Variants in RC3H2 observed in about 807,000 individuals in gnomAD.
The protein encoded by RC3H2 is ring finger and CCCH-type domains 2, also known as roquin-2.
A neutral mutation model predicts 133.3 loss-of-function variants in RC3H2; 31 were observed. That is an observed-to-expected ratio of 0.23 (90% CI 0.17 to 0.31). RC3H2 has a LOEUF of 0.31. Among genes scored for constraint, RC3H2 ranks in the 10% least tolerant of loss-of-function variants. The pLI, the probability that RC3H2 is intolerant of heterozygous loss-of-function variation, is 1.00. For synonymous variants in RC3H2, 517 were observed against 502.2 expected (o/e 1.03, Z -0.40); for missense variants, 1,175 against 1,437.2 (o/e 0.82, Z 2.95).
At chr9:122,885,939 G>T (rs1268074687) in intron 4 of RC3H2, among the ~76,000 whole-genome samples, 1 of 152,194 alleles carries the variant, frequency 6.6e-6, no homozygotes, top group Non-Finnish European at 1.5e-5. Flanking sequence ...CCAGGCTGGA[G>T]TGCAGTGGCA....
At chr9:122,868,411 G>A (rs1476524017) in intron 9 of RC3H2, among the ~76,000 whole-genome samples, 1 of 152,010 alleles carries the variant, frequency 6.6e-6, no homozygotes, top group Non-Finnish European at 1.5e-5. Flanking sequence ...AAATTCTTCT[G>A]CCTTGGGATC....
intron 1 of RC3H2, 136 bp from the exon 2 acceptor site, chr9:122,897,712 A>T (rs1832481633): frequency 8.2e-6 from 5 of 609,740 alleles, no homozygotes; most frequent in Non-Finnish European, 1.4e-5. Context: ...TGTCTTTTTT[A>T]AAAAACCTAT....
chr9:122,880,942 AC>A (rs1831591701), intron 5 of RC3H2, 148 bp from the exon 6 acceptor site: 4 of 627,406 alleles, frequency 6.4e-6, no homozygotes, highest in Admixed American at 2.8e-5. Context: ...TGTCCTGACC[AC>A]AAATTCTTTC....
At position 122,877,494 on chromosome 9, in the gene RC3H2, G is replaced by A. The variant is rs1232496606; in HGVS notation, c.1302C>T (p.Ala434=). ...GCPRGTNCTF[A]HSQEELEKYR... ...ACTTTTCAAGCTCTTCCTGAGAATG[G>A]GCAAATGTACAATTTGTTCCTCGTG... Residue 434 remains alanine, a synonymous_variant, in exon 9 of 21, where the codon GCC becomes GCT. Coordinates refer to ENST00000357244, the MANE Select transcript of RC3H2 (RefSeq NM_001100588.3). 1.2e-6 allele frequency: 2 copies of A among 1,613,944 alleles called. No homozygotes were observed. Among genetic ancestry groups the A allele is most frequent in the African/African-American group, 1.3e-5 (1 of 75,032 alleles).
At chr9:122,861,089 C>A (rs921542039) in intron 10 of RC3H2, among the ~76,000 whole-genome samples, 1 of 152,134 alleles carries the variant, frequency 6.6e-6, no homozygotes, top group Non-Finnish European at 1.5e-5. Flanking sequence ...TGAGGCAAAA[C>A]ACACCAACCT....
chr9:122,867,849 G>A, intron 9 of RC3H2, among the ~76,000 whole-genome samples: 1 of 102,760 alleles, frequency 9.7e-6, no homozygotes. Context: ...TCTGAGAAGT[G>A]AGGAGCGTCT....
At chr9:122,892,113 A>ATT (rs1247686377) in intron 3 of RC3H2, among the ~76,000 whole-genome samples, 7 of 144,790 alleles carry the variant, frequency 4.8e-5, no homozygotes, top group Non-Finnish European at 7.6e-5. Flanking sequence ...ACTCTGGTAA[A>ATT]TTTTTTTTTT....
intron 1 of RC3H2, among the ~76,000 whole-genome samples, chr9:122,900,978 A>G (rs1298391283): frequency 6.6e-6 from 1 of 152,222 alleles, no homozygotes; most frequent in Non-Finnish European, 1.5e-5. Flanking sequence ...ATAAAACAGG[A>G]AGCACAATAG....
At chr9:122,900,337 T>A (rs1832607932) in intron 1 of RC3H2, among the ~76,000 whole-genome samples, 1 of 152,164 alleles carries the variant, frequency 6.6e-6, no homozygotes, top group Non-Finnish European at 1.5e-5. Context: ...AAACTTCCCT[T>A]ATACGATCAG....
chr9:122,883,104 G>T, intron 5 of RC3H2, 100 bp downstream of exon 5: 2 of 1,081,580 alleles, frequency 1.8e-6, no homozygotes, highest in Non-Finnish European at 2.7e-6. Flanking sequence ...ACTCTTGTAA[G>T]CATTCTGCAT....
At chr9:122,897,733 A>G in intron 1 of RC3H2, 157 bp from the exon 2 acceptor site, 1 of 537,580 alleles carries the variant, frequency 1.9e-6, no homozygotes, top group Admixed American at 3.6e-5. Flanking sequence ...TTGCTGAATT[A>G]ATTACATTTC....
In RC3H2 at chr9:122,848,423, T is replaced by A. The variant is rs560693181; in HGVS notation, c.*1204A>T. The A allele has an allele frequency of 6.6e-6, 1 of 152,212 alleles. No homozygotes were observed. The highest frequency in any genetic ancestry group is 2.4e-5 in the African/African-American group (1 of 41,468). 9.4% of individuals were successfully genotyped at this position (152,212 alleles called of 1,614,324 possible). On this transcript the variant is annotated 3_prime_UTR_variant, in exon 21 of 21. Transcript: ENST00000357244. ...TCTGATGCATGACTTGTTGAACACA[T>A]TGTATACTTTCAGATGCCAAGTCAA...
At chr9:122,879,335 A>C (rs1190645525) in intron 8 of RC3H2, among the ~76,000 whole-genome samples, 1 of 152,020 alleles carries the variant, frequency 6.6e-6, no homozygotes, top group Non-Finnish European at 1.5e-5. Flanking sequence ...CAGAGGTTGC[A>C]GTGAGCTGAG....
Position 122,870,569 on chromosome 9 carries a change from T to A in RC3H2, c.1326-4912A>T, listed in dbSNP as rs538942515. The stretch of plus-strand genomic sequence containing the variant: ...ACAAGTAGGGATATACACTGAATTC[T>A]TAGTATTGGGGCAGCTAAAGGCTGC... On this transcript the variant is annotated intron_variant, in intron 9 of 20. Coordinates refer to ENST00000357244, the MANE Select transcript of RC3H2 (RefSeq NM_001100588.3). 5.9e-5 allele frequency among the ~76,000 whole-genome samples: 9 copies of A among 152,310 alleles called. No individual in the cohort carries two copies. The East Asian group carries it at 1.7e-3, about 29-fold the overall frequency.
chr9:122,890,227 A>T, intron 4 of RC3H2, 85 bp downstream of exon 4: 1 of 912,468 alleles, frequency 1.1e-6, no homozygotes, highest in Non-Finnish European at 1.8e-6. Context: ...AGACGGGTTG[A>T]GTCTCAGGAT....
At position 122,848,599 on chromosome 9, in the gene RC3H2, C is replaced by T. The variant is rs1307795508; in HGVS notation, c.*1028G>A. 6 of 152,146 alleles carry T rather than the reference C, an allele frequency of 3.9e-5. No homozygotes were observed. The highest frequency in any genetic ancestry group is 1.4e-4 in the African/African-American group (6 of 41,444). The allele number at this position is 152,146 out of a possible 1,614,324, so 9.4% of individuals were successfully genotyped here. On this transcript the variant is annotated 3_prime_UTR_variant, in exon 21 of 21. Transcript: ENST00000357244. ...AAAACTAAACCCCAACATGAAGTAA[C>T]AATAAACAATATTTAACCAAGATAA... is the stretch of plus-strand genomic sequence containing the variant.
At chr9:122,899,793 G>T (rs1371642259) in intron 1 of RC3H2, among the ~76,000 whole-genome samples, 1 of 152,172 alleles carries the variant, frequency 6.6e-6, no homozygotes, top group Non-Finnish European at 1.5e-5. Context: ...TTAATAACTT[G>T]AACTGATTAA....
At chr9:122,853,622 G>C (rs1830134466) in intron 18 of RC3H2, 1 of 436,594 alleles carries the variant, frequency 2.3e-6, no homozygotes, top group Non-Finnish European at 4.1e-6. Context: ...CATGGTGGTG[G>C]GTGCCTGTAA....
Position 122,866,941 on chromosome 9 carries a change from C to T in RC3H2, c.1326-1284G>A, listed in dbSNP as rs1830708274. On this transcript the variant is annotated intron_variant, in intron 9 of 20. Coordinates refer to ENST00000357244, the MANE Select transcript of RC3H2 (RefSeq NM_001100588.3). ...TGAGAAGCGTCTGCCCGGCCGCCAT[C>T]CCATCTAGGAAGTGAGGAGCGTCTC... 3.4e-5 allele frequency among the ~76,000 whole-genome samples: 5 copies of T among 147,366 alleles called. No homozygotes were observed. In the South Asian group the frequency reaches 1.1e-3, roughly 33 times the overall value.
Sources: gnomAD v4.1 joint callset for allele counts (sites outside exome capture counted in the v4.1 genomes callset) on GRCh38, gnomAD v4.1.1 for gene constraint, MANE v1.5 for transcripts, NCBI Gene and HGNC (gene_info 2026-07-23, HGNC 2026-07-21) for gene names.